The following KATNIP variants were observed in gnomAD, a reference collection of about 807,000 sequenced individuals.
KATNIP encodes the protein katanin interacting protein, also known as katanin-interacting protein.
A neutral mutation model predicts 174.0 loss-of-function variants in KATNIP; 126 were observed. The ratio of observed to expected loss-of-function variants is 0.72; its 90% CI spans 0.63 to 0.84. The LOEUF (loss-of-function observed/expected upper bound fraction) is 0.84, where lower values mean the gene tolerates loss of function less well. Ranked by LOEUF, KATNIP falls within the 40% of genes least tolerant of loss-of-function variation. The pLI, the probability that KATNIP is intolerant of heterozygous loss-of-function variation, is 0.00. For synonymous variants in KATNIP, 810 were observed against 835.7 expected, an observed-to-expected ratio of 0.97 and a Z score of 0.53; for missense variants, 1,958 against 2,109.7, an observed-to-expected ratio of 0.93 and a Z score of 1.41.
At chr16:27,718,334 C>A (rs2080051554) in intron 13 of KATNIP, 1 of 152,368 alleles carries the variant, frequency 6.6e-6, no homozygotes, top group African/African-American at 2.4e-5. Flanking sequence ...TATTCCTTAC[C>A]CCCTGTGTTG....
intron 1 of KATNIP, among the ~76,000 whole-genome samples, chr16:27,565,372 G>A (rs1369588289): frequency 2.0e-5 from 3 of 151,444 alleles, no homozygotes; most frequent in Non-Finnish European, 2.9e-5. Context: ...AGGCTGAGGT[G>A]GGAGAATCAC....
intron 6 of KATNIP, among the ~76,000 whole-genome samples, chr16:27,657,771 G>A (rs184356938): frequency 1.4e-3 from 219 of 152,242 alleles, no homozygotes; most frequent in African/African-American, 4.5e-3. Context: ...TTAGCTGGGC[G>A]TGGTGGTGTG....
At chr16:27,611,408 C>T (rs1210407460) in intron 2 of KATNIP, among the ~76,000 whole-genome samples, 3 of 152,140 alleles carry the variant, frequency 2.0e-5, no homozygotes, top group East Asian at 1.9e-4. Context: ...CTCAGAACAA[C>T]GAGGGTTAAC....
intron 6 of KATNIP, among the ~76,000 whole-genome samples, chr16:27,669,963 C>T (rs553410800): frequency 6.6e-6 from 1 of 152,232 alleles, no homozygotes; most frequent in South Asian, 2.1e-4. Flanking sequence ...GCCGAGATTA[C>T]AGGCATGAGC....
chr16:27,702,925 C>T (rs981996294), intron 11 of KATNIP, among the ~76,000 whole-genome samples: 8 of 152,006 alleles, frequency 5.3e-5, no homozygotes, highest in Non-Finnish European at 7.4e-5. Context: ...CCAGCACTTA[C>T]GGAGGCCCAG....
At chr16:27,671,816 G>T (rs2077915683) in intron 6 of KATNIP, among the ~76,000 whole-genome samples, 1 of 152,190 alleles carries the variant, frequency 6.6e-6, no homozygotes, top group Non-Finnish European at 1.5e-5. Flanking sequence ...AGCACTTTGG[G>T]TGGCTGAGGC....
chr16:27,606,478 TACAC>T (rs149635649), intron 2 of KATNIP, among the ~76,000 whole-genome samples: 35 of 145,666 alleles, frequency 2.4e-4, no homozygotes, highest in African/African-American at 6.3e-4. Context: ...ATCTCTCTCA[TACAC>T]ACACACACAC....
At chr16:27,756,304 C>G (rs1019743581) in intron 18 of KATNIP, among the ~76,000 whole-genome samples, 3 of 152,232 alleles carry the variant, frequency 2.0e-5, no homozygotes, top group African/African-American at 7.2e-5. Flanking sequence ...CGAATAGCAG[C>G]AGTTTTAAAG....
At chr16:27,699,985 A>G (rs1048213936) in intron 10 of KATNIP, among the ~76,000 whole-genome samples, 3 of 151,998 alleles carry the variant, frequency 2.0e-5, no homozygotes, top group Non-Finnish European at 2.9e-5. Context: ...ATCTCGGCTC[A>G]CTACAACCTC....
At chr16:27,773,278 C>A in intron 23 of KATNIP, 69 bp downstream of exon 23, 1 of 1,090,756 alleles carries the variant, frequency 9.2e-7, no homozygotes, top group Non-Finnish European at 1.4e-6. Context: ...GGGAACGGGG[C>A]AGAAGCCTTG....
At chr16:27,705,269 C>G (rs1006444029) in intron 12 of KATNIP, among the ~76,000 whole-genome samples, 1 of 152,192 alleles carries the variant, frequency 6.6e-6, no homozygotes, top group Non-Finnish European at 1.5e-5. Context: ...CCCCTACCTT[C>G]ACTCAAGCCA....
chr16:27,567,253 T>A (rs979216920), intron 1 of KATNIP, among the ~76,000 whole-genome samples: 13 of 152,236 alleles, frequency 8.5e-5, no homozygotes, highest in African/African-American at 2.9e-4. Context: ...TTTTTACACA[T>A]TTAAATCAGC....
intron 5 of KATNIP, among the ~76,000 whole-genome samples, chr16:27,642,121 C>A (rs1446903659): frequency 6.6e-6 from 1 of 152,158 alleles, no homozygotes; most frequent in Non-Finnish European, 1.5e-5. Flanking sequence ...AGACTTGGGA[C>A]CAACACAGAT....
chr16:27,620,259 A>G (rs951749251), intron 3 of KATNIP, among the ~76,000 whole-genome samples: 1 of 152,232 alleles, frequency 6.6e-6, no homozygotes, highest in Non-Finnish European at 1.5e-5. Flanking sequence ...AGAGCTGGAA[A>G]GAAACACCTT....
intron 3 of KATNIP, among the ~76,000 whole-genome samples, chr16:27,619,097 A>G (rs761353209): frequency 6.6e-6 from 1 of 152,172 alleles, no homozygotes; most frequent in African/African-American, 2.4e-5. Flanking sequence ...GTTCATTTTC[A>G]GTTCACCGCA....
chr16:27,635,189 A>G (rs1488347353), intron 5 of KATNIP, among the ~76,000 whole-genome samples: 1 of 152,260 alleles, frequency 6.6e-6, no homozygotes, highest in East Asian at 1.9e-4. Context: ...GAATAATGGG[A>G]ATGCTAATGG....
At chr16:27,591,089 A>G (rs988256957) in intron 2 of KATNIP, among the ~76,000 whole-genome samples, 1 of 152,162 alleles carries the variant, frequency 6.6e-6, no homozygotes, top group African/African-American at 2.4e-5. Flanking sequence ...CTTCATCTGG[A>G]AAAGTTCATC....
chr16:27,775,593 C>G lies in KATNIP; in HGVS notation c.4449+509C>G, dbSNP rs143032469. The stretch of plus-strand genomic sequence containing the variant: ...TGACTCAGTTTCCCAGATCTCAAAT[C>G]TTGCACTGGGTCCTGCTTAGCTTTT... On this transcript the variant is annotated intron_variant, in intron 24 of 27. Coordinates refer to ENST00000261588, the MANE Select transcript of KATNIP (RefSeq NM_015202.5). Among the ~76,000 whole-genome samples the G allele has an allele frequency of 2.9e-4, 44 of 152,388 alleles. 1 individual carries two copies. In the East Asian group the frequency reaches 7.9e-3, roughly 27 times the overall value.
At chr16:27,613,228 C>T (rs1003001359) in intron 2 of KATNIP, among the ~76,000 whole-genome samples, 5 of 152,128 alleles carry the variant, frequency 3.3e-5, no homozygotes, top group Admixed American at 2.0e-4. Context: ...GAGCCGAAAT[C>T]GCACCACTGC....
Sources: allele counts gnomAD v4.1 joint callset (sites outside exome capture counted in the v4.1 genomes callset), GRCh38; gene constraint gnomAD v4.1.1; transcripts MANE v1.5; gene names NCBI Gene and HGNC (gene_info 2026-07-23, HGNC 2026-07-21).